Variants in PSME4 observed in about 807,000 individuals in gnomAD.
The protein encoded by PSME4 is proteasome activator complex subunit 4.
A neutral mutation model predicts 253.9 loss-of-function variants in PSME4; 89 were observed. The ratio of observed to expected loss-of-function variants is 0.35; its 90% CI spans 0.30 to 0.42. The LOEUF (loss-of-function observed/expected upper bound fraction) is 0.42. Ranked by LOEUF, PSME4 falls within the 10% of genes least tolerant of loss-of-function variation. The pLI, the probability that PSME4 is intolerant of heterozygous loss-of-function variation, is 1.00. For synonymous variants in PSME4, 851 were observed against 759.2 expected, an observed-to-expected ratio of 1.12 and a Z score of -1.99; for missense variants, 2,014 against 2,195.2, an observed-to-expected ratio of 0.92 and a Z score of 1.65.
intron 1 of PSME4, among the ~76,000 whole-genome samples, chr2:53,955,003 C>A (rs894263797): frequency 1.3e-5 from 2 of 151,600 alleles, no homozygotes; most frequent in African/African-American, 4.9e-5. Flanking sequence ...AACAAGGAGA[C>A]CCCGTCTCTA....
At chr2:53,881,099 T>C (rs1281576937) in intron 41 of PSME4, among the ~76,000 whole-genome samples, 6 of 152,272 alleles carry the variant, frequency 3.9e-5, no homozygotes, top group South Asian at 2.1e-4. Flanking sequence ...TAAAATCCAA[T>C]AGATAAATTT....
chr2:53,901,396 G>C lies in PSME4; in HGVS notation c.3239C>G (p.Ala1080Gly), dbSNP rs762138368. Residue 1080 changes from alanine (A) to glycine (G), a missense_variant, in exon 28 of 47, where the codon GCA becomes GGA. Coordinates refer to ENST00000404125, the MANE Select transcript of PSME4 (RefSeq NM_014614.3). ...PSIVRLFDDL[A>G]EKIHRQYETI... ...TTCATACTGCCTATGAATCTTTTCT[G>C]CAAGATCATCAAACAATCTCACTAT... is the stretch of plus-strand genomic sequence containing the variant. 6.2e-7 allele frequency: 1 copy of C among 1,613,962 alleles called. No homozygotes were observed. Among genetic ancestry groups the C allele is most frequent in the African/African-American group, 1.3e-5 (1 of 74,892 alleles).
In PSME4 at chr2:53,888,723, T is replaced by G; in HGVS notation, c.4386A>C (p.Ala1462=). 8 of 1,606,058 alleles carry G rather than the reference T, an allele frequency of 5.0e-6. No homozygotes were observed. The highest frequency in any genetic ancestry group is 6.8e-6 in the Non-Finnish European group (8 of 1,173,490). Residue 1462 remains alanine (A), a splice_region_variant and synonymous_variant, in exon 38 of 47, where the codon GCA becomes GCC. Coordinates refer to ENST00000404125, the MANE Select transcript of PSME4 (RefSeq NM_014614.3). The part of the protein sequence containing the change: ...LSGEGGSFVD[A]CRLYVLQGGL... ...ATAGGTTTTTTAAAAAAATTTACCA[T>G]GCATCTACAAAGGATCCTCCTTCAC...
At chr2:53,900,911 T>TAAGC (rs1285784743) in intron 28 of PSME4, among the ~76,000 whole-genome samples, 2 of 152,198 alleles carry the variant, frequency 1.3e-5, no homozygotes, top group African/African-American at 4.8e-5. Context: ...ACTCTCAACC[T>TAAGC]AAGCACCACT....
At chr2:53,967,764 G>T (rs373425126) in intron 1 of PSME4, among the ~76,000 whole-genome samples, 1 of 150,588 alleles carries the variant, frequency 6.6e-6, no homozygotes, top group South Asian at 2.1e-4. Context: ...TCCAGATTAC[G>T]GGTGCACATT....
chr2:53,962,252 T>C (rs1238134152), intron 1 of PSME4, among the ~76,000 whole-genome samples: 1 of 152,148 alleles, frequency 6.6e-6, no homozygotes, highest in African/African-American at 2.4e-5. Context: ...GGGAGGAAAG[T>C]CTTTGAAGAG....
chr2:53,937,325 T>C, intron 5 of PSME4, 66 bp downstream of exon 5: 5 of 1,361,308 alleles, frequency 3.7e-6, no homozygotes, highest in Non-Finnish European at 5.0e-6. Context: ...GTTATTGTTT[T>C]ACTAGTTTCT....
At chr2:53,927,368 C>T in intron 12 of PSME4, 26 bp downstream of exon 12, 1 of 1,459,446 alleles carries the variant, frequency 6.9e-7, no homozygotes, top group South Asian at 1.1e-5. Flanking sequence ...CATCTTAGCC[C>T]TTTTATAACC....
intron 1 of PSME4, among the ~76,000 whole-genome samples, chr2:53,957,436 T>C (rs572211289): frequency 2.3e-4 from 35 of 152,234 alleles, no homozygotes; most frequent in African/African-American, 7.7e-4. Context: ...CAGTGACAGA[T>C]CATCAGGCAC....
chr2:53,919,340 A>G (rs1249572197), intron 19 of PSME4, 94 bp from the exon 20 acceptor site: 1 of 1,409,392 alleles, frequency 7.1e-7, no homozygotes, highest in Non-Finnish European at 9.3e-7. Context: ...GTGGGGATAT[A>G]AATGATTAAG....
chr2:53,880,009 T>C (rs77781731), intron 41 of PSME4, among the ~76,000 whole-genome samples: 4,955 of 152,288 alleles, frequency 0.033, 107 homozygotes, highest in Non-Finnish European at 0.046. Flanking sequence ...TTCAAAACCC[T>C]GCCTTGGTGT....
At position 53,970,696 on chromosome 2, in the gene PSME4, T is replaced by A; in HGVS notation, c.89A>T (p.Lys30Met). ...CAGCAGCTTGTTGTAGACGATCTCCTTCTGCGGGACGAAGCCCCGCGGGCC... is the reference window on the plus strand; with the variant it reads ...CAGCAGCTTGTTGTAGACGATCTCCATCTGCGGGACGAAGCCCCGCGGGCC... ...EPGPRGFVPQKEIVYNKLLPY... is the reference protein window; with the variant it reads ...EPGPRGFVPQMEIVYNKLLPY... The change falls in exon 1 of 47, where the codon AAG becomes ATG. Residue 30 changes from lysine (K) to methionine (M), a missense_variant. Lys to Met is a moderately conservative substitution (Grantham distance 95). Transcript: ENST00000404125. 6.5e-7 allele frequency: 1 copy of A among 1,549,448 alleles called. No homozygotes were observed. The highest frequency in any genetic ancestry group is 1.4e-5 in the African/African-American group (1 of 73,148).
chr2:53,919,351 G>A, intron 19 of PSME4, 105 bp from the exon 20 acceptor site: 2 of 1,361,978 alleles, frequency 1.5e-6, no homozygotes, highest in Admixed American at 3.4e-5. Flanking sequence ...AATGATTAAG[G>A]TAAAGAAATA....
In PSME4 at chr2:53,887,392, C is replaced by G. The variant is rs1219673552; in HGVS notation, c.4596G>C (p.Glu1532Asp). The change falls in exon 40 of 47, where the codon GAG (glutamate) becomes GAC (aspartate). Residue 1532 changes from glutamate (E) to aspartate (D), a missense_variant. By Grantham distance (45) the Glu-to-Asp change is conservative. Around this residue, in one of 4 missense-constraint regions of PSME4, gnomAD observed 403 missense variants for 556.1 expected, o/e 0.72. Coordinates refer to ENST00000404125, the MANE Select transcript of PSME4 (RefSeq NM_014614.3). Reference sequence around the variant, plus strand: ...ATTTCTCCAGAATTCGAGCAGTAAACTCAGGGACATGAGGCGATATGGTTG... The same window carrying G: ...ATTTCTCCAGAATTCGAGCAGTAAAGTCAGGGACATGAGGCGATATGGTTG... ...TTPTISPHVPEFTARILEKLK... is the reference protein window; with the variant it reads ...TTPTISPHVPDFTARILEKLK... 4.3e-6 allele frequency: 7 copies of G among 1,613,888 alleles called. No individual in the cohort carries two copies. Among genetic ancestry groups the G allele is most frequent in the Non-Finnish European group, 5.1e-6 (6 of 1,179,868 alleles).
At chr2:53,911,715 G>A (rs1323092734) in intron 20 of PSME4, among the ~76,000 whole-genome samples, 1 of 151,996 alleles carries the variant, frequency 6.6e-6, no homozygotes, top group Non-Finnish European at 1.5e-5. Context: ...TGCAGCTTAT[G>A]CAGTCTGTAT....
At chr2:53,877,901 T>C (rs146425963) in intron 41 of PSME4, among the ~76,000 whole-genome samples, 32 of 152,354 alleles carry the variant, frequency 2.1e-4, no homozygotes, top group African/African-American at 7.2e-4. Flanking sequence ...CTTGGTATTT[T>C]AGAATAAAAA....
intron 35 of PSME4, 49 bp downstream of exon 35, chr2:53,893,625 T>C (rs761676100): frequency 4.4e-6 from 7 of 1,590,076 alleles, no homozygotes; most frequent in South Asian, 1.1e-5. Context: ...ACCTACGAAC[T>C]GAATAGTTAC....
intron 3 of PSME4, among the ~76,000 whole-genome samples, chr2:53,940,952 C>CATATTTAAATATATATATATATATATAT (rs61078234): frequency 1.7e-4 from 4 of 24,022 alleles, no homozygotes; most frequent in Non-Finnish European, 2.9e-4. Context: ...TATATATATA[C>CATATTTAAATATATATATATATATATAT]ATATATATAT....
intron 1 of PSME4, among the ~76,000 whole-genome samples, chr2:53,967,246 A>C (rs1670778539): frequency 6.6e-6 from 1 of 152,232 alleles, no homozygotes; most frequent in Admixed American, 6.5e-5. Flanking sequence ...CTGTACAGGA[A>C]AGCCTCTATC....
Sources: allele counts gnomAD v4.1 joint callset (sites outside exome capture counted in the v4.1 genomes callset), GRCh38; gene constraint gnomAD v4.1.1; regional missense constraint gnomAD v4.1.1; transcripts MANE v1.5; gene names NCBI Gene and HGNC (gene_info 2026-07-23, HGNC 2026-07-21).